MID1: variants seen among roughly 807,000 people sequenced by gnomAD.
MID1 encodes E3 ubiquitin-protein ligase Midline-1.
MID1 carries 7 observed loss-of-function variants against 40.4 expected under a neutral mutation model. That is an observed-to-expected ratio of 0.17 (90% CI 0.10 to 0.33). The LOEUF (loss-of-function observed/expected upper bound fraction) is 0.33, where lower values mean the gene tolerates loss of function less well. Among genes scored for constraint, MID1 ranks in the 10% least tolerant of loss-of-function variants. The probability of loss-of-function intolerance (pLI) is 1.00; values close to 1 mark genes in which losing one functional copy is unlikely to be tolerated. For synonymous variants in MID1, 229 were observed against 221.2 expected (o/e 1.04, Z -0.31); for missense variants, 367 against 558.5 (o/e 0.66, Z 3.46).
intron 2 of MID1, among the ~76,000 whole-genome samples, chrX:10,531,241 T>C (rs1932961773): frequency 8.9e-6 from 1 of 112,303 alleles, no homozygotes; most frequent in African/African-American, 3.2e-5. Flanking sequence ...CACATGCCAC[T>C]TGTATAAAAG....
chrX:10,701,475 G>A (rs1459719742), intron 1 of MID1, among the ~76,000 whole-genome samples: 1 of 111,779 alleles, frequency 8.9e-6, no homozygotes, highest in Non-Finnish European at 1.9e-5. Context: ...ATGCCATTCC[G>A]TGGCTGGTAA....
At chrX:10,827,168 C>A (rs1187340164) in intron 1 of MID1, among the ~76,000 whole-genome samples, 1 of 111,430 alleles carries the variant, frequency 9.0e-6, no homozygotes, top group East Asian at 2.8e-4. Context: ...GGGGAAGATA[C>A]ACCCTATTTC....
chrX:10,756,194 A>G (rs1489927427), intron 1 of MID1, among the ~76,000 whole-genome samples: 1 of 111,887 alleles, frequency 8.9e-6, no homozygotes, highest in Non-Finnish European at 1.9e-5. Flanking sequence ...GGGCATTTCT[A>G]TAGTCCATAT....
At chrX:10,577,043 G>C (rs757991600) in intron 1 of MID1, 1 of 111,955 alleles carries the variant, frequency 8.9e-6, no homozygotes, top group Non-Finnish European at 1.9e-5. Context: ...CACGGCCCCC[G>C]CCACAACTTC....
At chrX:10,465,254 C>CACAT (rs1556005797) in intron 7 of MID1, among the ~76,000 whole-genome samples, 70 of 96,775 alleles carry the variant, frequency 7.2e-4, no homozygotes, top group African/African-American at 2.6e-3. Context: ...CACACACACA[C>CACAT]ACACACATAC....
chrX:10,710,416 G>A (rs1250607348), intron 1 of MID1, among the ~76,000 whole-genome samples: 1 of 110,157 alleles, frequency 9.1e-6, no homozygotes, highest in East Asian at 2.8e-4. Context: ...GCTTATACTG[G>A]GTTATAGTAA....
intron 2 of MID1, among the ~76,000 whole-genome samples, chrX:10,541,069 C>G (rs1244357794): frequency 8.9e-6 from 1 of 112,232 alleles, no homozygotes; most frequent in Admixed American, 9.4e-5. Flanking sequence ...CTCTTGAGAT[C>G]TGTCTGGAAG....
intron 1 of MID1, among the ~76,000 whole-genome samples, chrX:10,797,569 C>T (rs775421360): frequency 6.3e-4 from 70 of 111,794 alleles, no homozygotes; most frequent in Non-Finnish European, 1.1e-3. Flanking sequence ...GCTCCTCCCA[C>T]TCCACCTAGA....
intron 1 of MID1, among the ~76,000 whole-genome samples, chrX:10,648,878 T>TA (rs1338404923): frequency 9.0e-6 from 1 of 111,307 alleles, no homozygotes; most frequent in Non-Finnish European, 1.9e-5. Flanking sequence ...ATGTTACTAT[T>TA]ACGTTTGAAT....
chrX:10,552,648 C>T (rs1933959999), intron 2 of MID1, among the ~76,000 whole-genome samples: 1 of 108,862 alleles, frequency 9.2e-6, no homozygotes, highest in Non-Finnish European at 1.9e-5. Flanking sequence ...AGATGCAGAA[C>T]CCACAAATAT....
intron 2 of MID1, among the ~76,000 whole-genome samples, chrX:10,559,837 AT>A (rs1934262916): frequency 9.1e-6 from 1 of 109,721 alleles, no homozygotes; most frequent in African/African-American, 3.3e-5. Context: ...ACACATATTA[AT>A]TTTTTATGAC....
intron 2 of MID1, among the ~76,000 whole-genome samples, chrX:10,523,773 C>A (rs902244009): frequency 1.8e-5 from 2 of 111,871 alleles, no homozygotes; most frequent in Admixed American, 1.9e-4. Flanking sequence ...AACTGCAGAT[C>A]AAAAATATTT....
intron 1 of MID1, among the ~76,000 whole-genome samples, chrX:10,674,213 T>A (rs1202438862): frequency 8.9e-6 from 1 of 112,522 alleles, no homozygotes. Flanking sequence ...GTGGGTCTTG[T>A]GCAATGTGAG....
chrX:10,556,633 G>A (rs183288345), intron 2 of MID1, among the ~76,000 whole-genome samples: 7 of 111,863 alleles, frequency 6.3e-5, no homozygotes, highest in East Asian at 2.8e-4. Context: ...ATAATACCTC[G>A]TGTACATCCA....
chrX:10,725,060 C>A (rs2043380775), intron 1 of MID1, among the ~76,000 whole-genome samples: 1 of 112,021 alleles, frequency 8.9e-6, no homozygotes, highest in Non-Finnish European at 1.9e-5. Context: ...AACTCCAAAA[C>A]TGTAGCACTG....
intron 1 of MID1, among the ~76,000 whole-genome samples, chrX:10,713,519 G>A (rs369681427): frequency 4.5e-5 from 5 of 110,410 alleles, no homozygotes; most frequent in South Asian, 3.9e-4. Context: ...GTAGAAACAG[G>A]GTTTTGCCAT....
intron 1 of MID1, among the ~76,000 whole-genome samples, chrX:10,821,504 T>C (rs753008764): frequency 3.6e-5 from 4 of 112,393 alleles, no homozygotes; most frequent in African/African-American, 1.3e-4. Flanking sequence ...ACCCGTTGGC[T>C]GGCTGTTTTG....
intron 1 of MID1, among the ~76,000 whole-genome samples, chrX:10,825,356 A>T (rs2044208089): frequency 9.0e-6 from 1 of 111,222 alleles, no homozygotes; most frequent in South Asian, 3.8e-4. Context: ...CTGCCTAATG[A>T]CTCCCCTTAA....
chrX:10,786,263 A>G (rs1305933426), intron 1 of MID1, among the ~76,000 whole-genome samples: 7 of 110,752 alleles, frequency 6.3e-5, no homozygotes, highest in African/African-American at 1.3e-4. Flanking sequence ...CAAAACCACA[A>G]TGAGATACCA....
Sources: gnomAD v4.1 joint callset for allele counts (sites outside exome capture counted in the v4.1 genomes callset) on GRCh38, gnomAD v4.1.1 for gene constraint, MANE v1.5 for transcripts, NCBI Gene and HGNC (gene_info 2026-07-23, HGNC 2026-07-21) for gene names.